FRMPD1: variants seen among roughly 807,000 people sequenced by gnomAD.
FRMPD1 encodes the protein FERM and PDZ domain containing 1.
Under a neutral mutation model 117.8 loss-of-function variants are expected in FRMPD1, and 76 were observed. That is an observed-to-expected ratio of 0.65 (90% CI 0.54 to 0.78). The LOEUF (loss-of-function observed/expected upper bound fraction) is 0.78, where lower values mean the gene tolerates loss of function less well. FRMPD1 is among the 30% of genes least tolerant of loss of function. FRMPD1 has a pLI of 0.00. For missense variants in FRMPD1, 1,786 were observed against 1,964.5 expected, an observed-to-expected ratio of 0.91 and a Z score of 1.72; for synonymous variants, 783 against 770.4, an observed-to-expected ratio of 1.02 and a Z score of -0.27.
intron 12 of FRMPD1, 83 bp downstream of exon 12, chr9:37,733,908 A>G (rs1824007770): frequency 2.4e-6 from 2 of 821,396 alleles, no homozygotes; most frequent in Admixed American, 3.8e-5. Context: ...TTTAGCCTAA[A>G]ATTCCTGAGG....
At chr9:37,632,017 A>C in the FRMPD1 span, among the ~76,000 whole-genome samples, 1 of 152,236 alleles carries the variant, frequency 6.6e-6, no homozygotes, top group South Asian at 2.1e-4. Context: ...TGGTCATAAA[A>C]AGAAGAAAAA....
chr9:37,694,481 A>C (rs941556322), intron 2 of FRMPD1, among the ~76,000 whole-genome samples: 55 of 152,302 alleles, frequency 3.6e-4, no homozygotes, highest in African/African-American at 1.1e-3. Flanking sequence ...ATAAAAAGAA[A>C]CCCTGTGCCC....
chr9:37,744,814 A>G lies in FRMPD1; in HGVS notation c.2782A>G (p.Met928Val). Residue 928 changes from methionine to valine, a missense_variant, in exon 16 of 16, where the codon ATG becomes GTG. Coordinates refer to ENST00000377765, the MANE Select transcript of FRMPD1 (RefSeq NM_014907.3). The part of the protein sequence containing the change: ...SRVMEMEPET[M>V]ETKSVIDSRV... The stretch of plus-strand genomic sequence containing the variant: ...GGTCATGGAGATGGAGCCCGAGACC[A>G]TGGAAACCAAATCAGTCATCGACTC... 1.2e-6 allele frequency: 2 copies of G among 1,614,154 alleles called. No homozygotes were observed. Among genetic ancestry groups the G allele is most frequent in the Non-Finnish European group, 8.5e-7 (1 of 1,180,020 alleles).
At chr9:37,638,148 G>A in the FRMPD1 span, among the ~76,000 whole-genome samples, 3 of 150,746 alleles carry the variant, frequency 2.0e-5, no homozygotes, top group Admixed American at 1.3e-4. Context: ...ATCTCGGCTC[G>A]CTGCAACCTC....
At chr9:37,615,656 T>C in the FRMPD1 span, among the ~76,000 whole-genome samples, 1 of 152,276 alleles carries the variant, frequency 6.6e-6, no homozygotes, top group East Asian at 1.9e-4. Context: ...GACAACACTT[T>C]ACAGCCTCGA....
At chr9:37,713,217 G>A (rs778065107) in intron 5 of FRMPD1, among the ~76,000 whole-genome samples, 26 of 152,070 alleles carry the variant, frequency 1.7e-4, no homozygotes, top group Non-Finnish European at 3.4e-4. Flanking sequence ...GTTTAAAAAC[G>A]AACAAAGCTA....
At chr9:37,650,842 G>T (rs1820646621), upstream of FRMPD1, among the ~76,000 whole-genome samples, 1 of 148,194 alleles carries the variant, frequency 6.7e-6, no homozygotes, top group South Asian at 2.1e-4. Flanking sequence ...GGCGGGGGTC[G>T]CGGCGCCGGC....
chr9:37,742,036 T>C (rs939488494), intron 15 of FRMPD1, among the ~76,000 whole-genome samples: 10 of 152,230 alleles, frequency 6.6e-5, no homozygotes, highest in Admixed American at 1.3e-4. Context: ...TATGATTCTG[T>C]GTTGATGTTT....
At position 37,711,370 on chromosome 9, in the gene FRMPD1, C is replaced by T; in HGVS notation, c.383C>T (p.Ser128Leu). Residue 128 changes from serine to leucine, a missense_variant, in exon 5 of 16, where the codon TCA becomes TTA. Physicochemically the swap from Ser to Leu is moderately radical, Grantham distance 145. Coordinates refer to ENST00000377765, the MANE Select transcript of FRMPD1 (RefSeq NM_014907.3). ...DILREAEDSLSITVVRCTSGV... is the reference protein window; with the variant it reads ...DILREAEDSLLITVVRCTSGV... ...TTCAGGGAAGCAGAAGATTCTCTTT[C>T]AATCACAGTTGTTCGCTGCACGTCG... 1 of 1,610,010 alleles carries T rather than the reference C, an allele frequency of 6.2e-7. No individual in the cohort carries two copies. The highest frequency in any genetic ancestry group is 1.1e-5 in the South Asian group (1 of 90,988).
intron 1 of FRMPD1, among the ~76,000 whole-genome samples, chr9:37,674,861 C>T (rs1821471513): frequency 6.6e-6 from 1 of 152,118 alleles, no homozygotes; most frequent in African/African-American, 2.4e-5. Context: ...TGTGGGAATT[C>T]TGGGAGATAC....
At position 37,692,624 on chromosome 9, in the gene FRMPD1, C is replaced by G. The variant is rs1351398339; in HGVS notation, c.-4-14C>G. 8 of 1,533,426 alleles carry G rather than the reference C, an allele frequency of 5.2e-6. No individual in the cohort carries two copies. The highest frequency in any genetic ancestry group is 7.2e-6 in the Non-Finnish European group (8 of 1,106,252). 95.0% of individuals were successfully genotyped at this position (1,533,426 alleles called of 1,614,324 possible). ...TTTTGGTTAGCATCTTAAGAACACT[C>G]TTCTTCCTTTTAGGTAAATGGAAGA... On this transcript the variant is annotated splice_polypyrimidine_tract_variant and intron_variant, in intron 1 of 15. Transcript: ENST00000377765.
chr9:37,735,008 G>A (rs938354463), intron 12 of FRMPD1, among the ~76,000 whole-genome samples: 2 of 152,184 alleles, frequency 1.3e-5, no homozygotes, highest in Admixed American at 6.5e-5. Context: ...TGGGCACTGC[G>A]GGTTACAAAT....
chr9:37,636,100 C>T, the FRMPD1 span, among the ~76,000 whole-genome samples: 16 of 152,216 alleles, frequency 1.1e-4, no homozygotes, highest in Non-Finnish European at 1.8e-4. Flanking sequence ...TCGATATACT[C>T]AGACCCCACC....
intron 1 of FRMPD1, among the ~76,000 whole-genome samples, chr9:37,658,252 G>A (rs944652394): frequency 1.6e-4 from 25 of 152,250 alleles, no homozygotes; most frequent in Non-Finnish European, 2.8e-4. Context: ...CGTTAGCACA[G>A]CCTGAGGCCA....
Position 37,708,594 on chromosome 9 carries a change from T to C in FRMPD1, c.362+93T>C, listed in dbSNP as rs557055833. The C allele has an allele frequency of 1.0e-4, 79 of 786,232 alleles. No homozygotes were observed. The South Asian group carries it at 1.1e-3, about 11-fold the overall frequency. 48.7% of individuals were successfully genotyped at this position (786,232 alleles called of 1,614,324 possible). On this transcript the variant is annotated intron_variant, in intron 4 of 15. Coordinates refer to ENST00000377765, the MANE Select transcript of FRMPD1 (RefSeq NM_014907.3). ...AATGGCATAACTGATCCCCTGATTT[T>C]AATAAGGCTAAGTCTCCTTTAAAGC...
chr9:37,636,901 C>T, the FRMPD1 span: 2 of 1,610,238 alleles, frequency 1.2e-6, no homozygotes, highest in African/African-American at 1.3e-5. Context: ...TGGTGTTGTC[C>T]ACCACCTTCT....
At chr9:37,719,669 A>C (rs1452819888) in intron 6 of FRMPD1, among the ~76,000 whole-genome samples, 2 of 152,226 alleles carry the variant, frequency 1.3e-5, no homozygotes, top group African/African-American at 4.8e-5. Context: ...AAGAGGAAGC[A>C]GAGGCCTAGA....
intron 1 of FRMPD1, among the ~76,000 whole-genome samples, chr9:37,675,082 A>G (rs528317283): frequency 6.6e-6 from 1 of 152,290 alleles, no homozygotes; most frequent in East Asian, 1.9e-4. Flanking sequence ...TTGGAAGAGG[A>G]GCAAGACTGA....
intron 1 of FRMPD1, chr9:37,668,299 G>T (rs1821231503): frequency 6.6e-6 from 1 of 152,394 alleles, no homozygotes; most frequent in East Asian, 1.9e-4. Flanking sequence ...AGTATCCGCA[G>T]ATGAGGAGGG....
Sources: allele counts gnomAD v4.1 joint callset (sites outside exome capture counted in the v4.1 genomes callset), GRCh38; gene constraint gnomAD v4.1.1; transcripts MANE v1.5; gene names NCBI Gene and HGNC (gene_info 2026-07-23, HGNC 2026-07-21).